GAB1: variants seen among roughly 807,000 people sequenced by gnomAD.
The protein encoded by GAB1 is GRB2-associated-binding protein 1.
A neutral mutation model predicts 66.5 loss-of-function variants in GAB1; 19 were observed. The ratio of observed to expected loss-of-function variants is 0.29; its 90% CI spans 0.20 to 0.42. The LOEUF is 0.42. Ranked by LOEUF, GAB1 falls within the 10% of genes least tolerant of loss-of-function variation. The probability of loss-of-function intolerance (pLI) is 1.00; values close to 1 mark genes in which losing one functional copy is unlikely to be tolerated. For missense variants in GAB1, 732 were observed against 858.5 expected (o/e 0.85, Z 1.84); for synonymous variants, 294 against 301.4 (o/e 0.98, Z 0.25).
rs759820426 is a variant in GAB1 at position 143,460,472 on chromosome 4, G to A, written c.1788G>A (p.Leu596=). ...ATTATGTTCCCATGAACCCAAACCT[G>A]TCCAGTGAAGACCCAGTATGTAAAG... ...EENYVPMNPN[L]SSEDPNLFGS... is the part of the protein sequence containing the mutation. The change falls in exon 8 of 10, where the codon CTG becomes CTA. Residue 596 remains leucine, a synonymous_variant. Transcript: ENST00000262994. 1.9e-6 allele frequency: 3 copies of A among 1,613,656 alleles called. No homozygotes were observed. The highest frequency in any genetic ancestry group is 2.5e-6 in the Non-Finnish European group (3 of 1,179,758).
intron 1 of GAB1, among the ~76,000 whole-genome samples, chr4:143,404,985 G>A (rs895030753): frequency 1.3e-5 from 2 of 152,164 alleles, no homozygotes; most frequent in African/African-American, 4.8e-5. Flanking sequence ...TTGCCTCTGT[G>A]CAGGAAAATT....
intron 1 of GAB1, among the ~76,000 whole-genome samples, chr4:143,408,897 C>T (rs147182145): frequency 7.6e-4 from 115 of 152,186 alleles, no homozygotes; most frequent in African/African-American, 2.3e-3. Flanking sequence ...AGGAAAAGAG[C>T]GGGTTAGTAA....
At chr4:143,433,737 T>G in intron 3 of GAB1, 21 bp downstream of exon 3, 1 of 1,564,434 alleles carries the variant, frequency 6.4e-7, no homozygotes, top group Non-Finnish European at 8.8e-7. Context: ...TATGCCCATG[T>G]GAGAGAGAGA....
At chr4:143,337,443 G>C (rs1728698621) in intron 1 of GAB1, among the ~76,000 whole-genome samples, 183 bp downstream of exon 1, 5 of 152,160 alleles carry the variant, frequency 3.3e-5, no homozygotes, top group Admixed American at 3.3e-4. Context: ...CTCACGCCCA[G>C]GCATCCACTT....
chr4:143,428,015 C>T (rs773357101), intron 2 of GAB1, among the ~76,000 whole-genome samples: 1 of 152,182 alleles, frequency 6.6e-6, no homozygotes, highest in Non-Finnish European at 1.5e-5. Flanking sequence ...ATAGGGGGGC[C>T]TATGGGGGTG....
chr4:143,384,161 A>C lies in GAB1; in HGVS notation c.73-31316A>C, dbSNP rs907602207. Among the ~76,000 whole-genome samples, 8 of 152,232 alleles carry C rather than the reference A, an allele frequency of 5.3e-5. 1 individual carries two copies. The South Asian group carries it at 1.7e-3, about 32-fold the overall frequency. ...TAAATTATAGAAATAATTGGCTTAA[A>C]AGGGAAATTGAGAACATGCTAACTT... is the stretch of plus-strand genomic sequence containing the variant. On this transcript the variant is annotated intron_variant, in intron 1 of 9. Coordinates refer to ENST00000262994, the MANE Select transcript of GAB1 (RefSeq NM_002039.4).
chr4:143,466,154 C>T lies in GAB1; in HGVS notation c.1855C>T (p.Pro619Ser), dbSNP rs1463910969. Residue 619 changes from proline (P) to serine (S), a missense_variant, in exon 9 of 10, where the codon CCC (proline) becomes TCC (serine). Physicochemically the swap from Pro to Ser is moderately conservative, Grantham distance 74. Transcript: ENST00000262994. ...LDGGSSPMIK[P>S]KGDKQVEYLD... ...TGGAGGAAGCAGCCCTATGATCAAG[C>T]CCAAAGGAGACAAACAGGTGGAATA... 3 of 1,613,546 alleles carry T rather than the reference C, an allele frequency of 1.9e-6. No individual in the cohort carries two copies. Among genetic ancestry groups the T allele is most frequent in the African/African-American group, 1.3e-5 (1 of 75,000 alleles).
chr4:143,358,666 T>A (rs1301876824), intron 1 of GAB1, among the ~76,000 whole-genome samples: 2 of 152,234 alleles, frequency 1.3e-5, no homozygotes, highest in African/African-American at 4.8e-5. Flanking sequence ...CATGTGTGTG[T>A]GAGAAGAAGA....
intron 8 of GAB1, among the ~76,000 whole-genome samples, chr4:143,463,496 G>A (rs373066833): frequency 2.6e-5 from 4 of 151,456 alleles, no homozygotes; most frequent in South Asian, 2.1e-4. Context: ...GGTGGCAGGC[G>A]CCTGTAATCC....
chr4:143,473,560 C>T lies in GAB1; in HGVS notation c.*4371C>T, dbSNP rs536742875. ...GCTCCCTGGAAAAACTCTGTTGCCA[C>T]ATGCACGTGCCCTGTTACTCCTCCA... is the stretch of plus-strand genomic sequence containing the variant. On this transcript the variant is annotated 3_prime_UTR_variant, in exon 10 of 10. Transcript: ENST00000262994. 1 of 152,322 alleles carries T rather than the reference C, an allele frequency of 6.6e-6. No homozygotes were observed. The highest frequency in any genetic ancestry group is 2.4e-5 in the African/African-American group (1 of 41,582). 9.4% of individuals were successfully genotyped at this position (152,322 alleles called of 1,614,324 possible).
At chr4:143,441,683 T>G (rs1734248227) in intron 6 of GAB1, among the ~76,000 whole-genome samples, 1 of 152,190 alleles carries the variant, frequency 6.6e-6, no homozygotes, top group Non-Finnish European at 1.5e-5. Flanking sequence ...TTTGTTCTCT[T>G]TCACATTCTT....
Position 143,470,567 on chromosome 4 carries a change from A to G in GAB1, c.*1378A>G, listed in dbSNP as rs927921629. 3 of 152,258 alleles carry G rather than the reference A, an allele frequency of 2.0e-5. No individual in the cohort carries two copies. Among genetic ancestry groups the G allele is most frequent in the African/African-American group, 7.2e-5 (3 of 41,478 alleles). 9.4% of individuals were successfully genotyped at this position (152,258 alleles called of 1,614,324 possible). A position where few individuals can be genotyped will look rare whatever the true frequency, so the allele number is the denominator to read the frequency against. On this transcript the variant is annotated 3_prime_UTR_variant, in exon 10 of 10. Coordinates refer to ENST00000262994, the MANE Select transcript of GAB1 (RefSeq NM_002039.4). ...TAAGACCACAAGTTGTAGTGAGGCT[A>G]CAATTATATTCGTCTGTCTTGGCTT... is the stretch of plus-strand genomic sequence containing the variant.
At chr4:143,404,499 A>G (rs1049050879) in intron 1 of GAB1, among the ~76,000 whole-genome samples, 2 of 152,228 alleles carry the variant, frequency 1.3e-5, no homozygotes, top group Admixed American at 6.5e-5. Context: ...TGCTTCAGCA[A>G]TTGATCTTGC....
intron 6 of GAB1, among the ~76,000 whole-genome samples, chr4:143,457,014 A>G (rs1267410031): frequency 6.6e-6 from 1 of 152,240 alleles, no homozygotes; most frequent in East Asian, 1.9e-4. Context: ...CAGTAGAACC[A>G]GAATCTAAAC....
intron 1 of GAB1, among the ~76,000 whole-genome samples, chr4:143,347,796 T>C (rs1316659908): frequency 1.3e-5 from 2 of 152,222 alleles, no homozygotes; most frequent in African/African-American, 4.8e-5. Context: ...CAAGAGGCAT[T>C]TCACCAGCAC....
At chr4:143,361,865 G>A (rs1461582619) in intron 1 of GAB1, among the ~76,000 whole-genome samples, 1 of 152,014 alleles carries the variant, frequency 6.6e-6, no homozygotes, top group African/African-American at 2.4e-5. Flanking sequence ...TGCAGGGGTG[G>A]TTGAAAAAGC....
intron 1 of GAB1, among the ~76,000 whole-genome samples, chr4:143,340,001 G>GAGTAATGTAACCAGCATGGAGT (rs1728775864): frequency 6.6e-6 from 1 of 151,722 alleles, no homozygotes; most frequent in African/African-American, 2.4e-5. Flanking sequence ...AACCAGCATG[G>GAGTAATGTAACCAGCATGGAGT]AGTGTAATGA....
chr4:143,342,667 C>G (rs1728862906), intron 1 of GAB1, among the ~76,000 whole-genome samples: 1 of 148,960 alleles, frequency 6.7e-6, no homozygotes. Flanking sequence ...AACTGATTCT[C>G]CTGCCTCAAC....
chr4:143,433,487 G>C lies in GAB1; in HGVS notation c.368-4G>C. Reference sequence around the variant, plus strand: ...GACGTGATAGTTAAACTTTGGTGTTGCAGATCCTGTGAAGCCACCTGGCAG... The same window carrying C: ...GACGTGATAGTTAAACTTTGGTGTTCCAGATCCTGTGAAGCCACCTGGCAG... On this transcript the variant is annotated splice_region_variant and splice_polypyrimidine_tract_variant and intron_variant, in intron 2 of 9. Transcript: ENST00000262994. 1 of 1,611,046 alleles carries C rather than the reference G, an allele frequency of 6.2e-7. No individual in the cohort carries two copies. The highest frequency in any genetic ancestry group is 8.5e-7 in the Non-Finnish European group (1 of 1,177,296).
Sources: allele counts gnomAD v4.1 joint callset (sites outside exome capture counted in the v4.1 genomes callset), GRCh38; gene constraint gnomAD v4.1.1; transcripts MANE v1.5; gene names NCBI Gene and HGNC (gene_info 2026-07-23, HGNC 2026-07-21).